Variants in IL16 observed in about 807,000 individuals in gnomAD.
The protein encoded by IL16 is pro-interleukin-16.
A neutral mutation model predicts 110.1 loss-of-function variants in IL16; 67 were observed. That is an observed-to-expected ratio of 0.61 (90% CI 0.50 to 0.75). IL16 has a LOEUF of 0.75. Among genes scored for constraint, IL16 ranks in the 30% least tolerant of loss-of-function variants. The probability of loss-of-function intolerance (pLI) is 0.00; values close to 1 mark genes in which losing one functional copy is unlikely to be tolerated. For missense variants in IL16, 1,545 were observed against 1,655.0 expected (o/e 0.93, Z 1.15); for synonymous variants, 689 against 662.9 (o/e 1.04, Z -0.61).
chr15:81,263,346 A>ATTTTTTTTGTTTT, intron 3 of IL16, among the ~76,000 whole-genome samples: 1 of 109,792 alleles, frequency 9.1e-6, no homozygotes. Context: ...TTCAAAAACT[A>ATTTTTTTTGTTTT]TTTTTTTTTG....
intron 2 of IL16, among the ~76,000 whole-genome samples, chr15:81,235,527 C>G (rs1041756050): frequency 1.3e-5 from 2 of 152,154 alleles, no homozygotes; most frequent in Non-Finnish European, 2.9e-5. Context: ...CTAGGCCCCC[C>G]CTCCAACACT....
intron 1 of IL16, chr15:81,188,293 G>C: frequency 2.2e-6 from 1 of 456,088 alleles, no homozygotes; most frequent in Admixed American, 2.3e-5. Flanking sequence ...GAGAGGGGGA[G>C]GGTATAGACA....
chr15:81,187,954 C>T (rs1303442286), intron 1 of IL16, among the ~76,000 whole-genome samples: 1 of 152,116 alleles, frequency 6.6e-6, no homozygotes, highest in Non-Finnish European at 1.5e-5. Context: ...TGGGTTCTGA[C>T]AGTGAGGTTA....
At chr15:81,259,424 G>A (rs1020377778) in intron 2 of IL16, among the ~76,000 whole-genome samples, 13 of 152,084 alleles carry the variant, frequency 8.5e-5, no homozygotes, top group African/African-American at 3.1e-4. Flanking sequence ...TCACTAAAAT[G>A]CATTTTCTCC....
intron 4 of IL16, among the ~76,000 whole-genome samples, chr15:81,266,369 C>G (rs999486309): frequency 6.6e-6 from 1 of 152,178 alleles, no homozygotes; most frequent in African/African-American, 2.4e-5. Flanking sequence ...TAGTAGGACA[C>G]TGAGGCTTGG....
At chr15:81,204,206 C>T (rs1466222014) in intron 1 of IL16, among the ~76,000 whole-genome samples, 6 of 152,106 alleles carry the variant, frequency 3.9e-5, no homozygotes, top group Admixed American at 2.0e-4. Context: ...TGCCTATCAG[C>T]TTAAGGAGAT....
chr15:81,297,013 C>G lies in IL16; in HGVS notation c.1988C>G (p.Pro663Arg), dbSNP rs796985291. 1.2e-6 allele frequency: 2 copies of G among 1,613,960 alleles called. No individual in the cohort carries two copies. Among genetic ancestry groups the G allele is most frequent in the African/African-American group, 1.3e-5 (1 of 75,032 alleles). The part of the protein sequence containing the change: ...SPSASAGCPG[P>R]GIGPQTKSST... ...AGTGCCTCTGCCGGCTGCCCAGGAC[C>G]TGGTATCGGCCCACAGACCAAGTCC... Residue 663 changes from proline (P) to arginine (R), a missense_variant, in exon 13 of 19, where the codon CCT becomes CGT. Physicochemically the swap from Pro to Arg is moderately radical, Grantham distance 103. Coordinates refer to ENST00000683961, the MANE Select transcript of IL16 (RefSeq NM_172217.5).
chr15:81,232,572 T>C (rs1356430823), intron 2 of IL16, among the ~76,000 whole-genome samples: 1 of 152,208 alleles, frequency 6.6e-6, no homozygotes, highest in Non-Finnish European at 1.5e-5. Context: ...ACATAAATTG[T>C]TGAATTTTGT....
Position 81,300,293 on chromosome 15 carries a change from T to C in IL16, c.2967T>C (p.Ser989=). The C allele has an allele frequency of 6.2e-7, 1 of 1,614,192 alleles. No individual in the cohort carries two copies. Among genetic ancestry groups the C allele is most frequent in the Non-Finnish European group, 8.5e-7 (1 of 1,180,038 alleles). The change falls in exon 14 of 19, where the codon TCT becomes TCC. Residue 989 remains serine, a synonymous_variant. Transcript: ENST00000683961. ...ACGAAAAGACCAGCAAACTCTATTC[T>C]ATCAGCAGCCAAGTGTCATCGGCTG... ...LLDEKTSKLY[S]ISSQVSSAVM... is the part of the protein sequence containing the mutation.
intron 2 of IL16, among the ~76,000 whole-genome samples, chr15:81,227,074 CACT>C (rs969980573): frequency 7.2e-5 from 11 of 152,142 alleles, no homozygotes; most frequent in Admixed American, 3.3e-4. Flanking sequence ...GTGAAAAATA[CACT>C]ACAAGAGGGG....
intron 2 of IL16, among the ~76,000 whole-genome samples, chr15:81,229,157 G>A (rs1191378935): frequency 6.6e-6 from 1 of 152,178 alleles, no homozygotes; most frequent in Admixed American, 6.5e-5. Context: ...AGTTATAGTT[G>A]ACAATGCTCA....
intron 2 of IL16, among the ~76,000 whole-genome samples, chr15:81,243,179 T>A (rs1318129728): frequency 5.9e-5 from 4 of 68,008 alleles, no homozygotes; most frequent in African/African-American, 1.5e-4. Context: ...TTTTTTTTTT[T>A]TTTTTTTTTT....
At position 81,300,338 on chromosome 15, in the gene IL16, C is replaced by G. The variant is rs778191070; in HGVS notation, c.3012C>G (p.Cys1004Trp). ...CGGCTGTCATGAAATCCTTGCTGTG[C>G]CTTCCATCTTCTATCTCCTGTGCCC... ...VSSAVMKSLL[C>W]LPSSISCAQT... The change falls in exon 14 of 19, where the codon TGC (cysteine) becomes TGG (tryptophan). Residue 1004 changes from cysteine to tryptophan, a missense_variant. By Grantham distance (215) the Cys-to-Trp change is radical. Transcript: ENST00000683961. 3.7e-6 allele frequency: 6 copies of G among 1,614,154 alleles called. No individual in the cohort carries two copies. Among genetic ancestry groups the G allele is most frequent in the Non-Finnish European group, 5.1e-6 (6 of 1,180,020 alleles).
At chr15:81,288,161 C>T (rs749351944) in intron 10 of IL16, among the ~76,000 whole-genome samples, 9 of 152,112 alleles carry the variant, frequency 5.9e-5, no homozygotes, top group African/African-American at 1.9e-4. Context: ...AGCAGAAAGA[C>T]GAAGACACCC....
intron 2 of IL16, among the ~76,000 whole-genome samples, chr15:81,247,544 T>C (rs1897608661): frequency 6.6e-6 from 1 of 152,224 alleles, no homozygotes; most frequent in Non-Finnish European, 1.5e-5. Flanking sequence ...GTTGCAAAGA[T>C]AGTACAGAGA....
At position 81,308,828 on chromosome 15, in the gene IL16, C is replaced by T. The variant is rs1900706670; in HGVS notation, c.*30C>T. The T allele has an allele frequency of 1.9e-6, 3 of 1,576,602 alleles. No homozygotes were observed. Among genetic ancestry groups the T allele is most frequent in the Admixed American group, 3.5e-5 (2 of 57,572 alleles). ...GACATGCTGAAGCCAAAGCCAATAA[C>T]ACACAGCTAACACACAGCTCCCATA... On this transcript the variant is annotated 3_prime_UTR_variant, in exon 19 of 19. Transcript: ENST00000683961.
Position 81,306,045 on chromosome 15 carries a change from A to G in IL16, c.3558A>G (p.Arg1186=). The G allele has an allele frequency of 6.2e-7, 1 of 1,614,258 alleles. No individual in the cohort carries two copies. Among genetic ancestry groups the G allele is most frequent in the Non-Finnish European group, 8.5e-7 (1 of 1,180,046 alleles). ...HDALAILRQA[R]EPRQAVIVTR... is the part of the protein sequence containing the mutation. The stretch of plus-strand genomic sequence containing the variant: ...CCTTGGCCATCCTCCGCCAAGCTCG[A>G]GAGCCCAGGCAAGCTGTGATTGTCA... The change falls in exon 17 of 19, where the codon CGA becomes CGG. Residue 1186 remains arginine, a synonymous_variant. Transcript: ENST00000683961.
At chr15:81,269,383 C>G (rs555163945) in intron 4 of IL16, among the ~76,000 whole-genome samples, 155 bp from the exon 5 acceptor site, 1 of 152,296 alleles carries the variant, frequency 6.6e-6, no homozygotes, top group South Asian at 2.1e-4. Context: ...ATCCTACCCA[C>G]ACCCCACTAA....
chr15:81,207,276 GA>G (rs1436290393), intron 1 of IL16, among the ~76,000 whole-genome samples: 1 of 146,754 alleles, frequency 6.8e-6, no homozygotes, highest in Non-Finnish European at 1.5e-5. Flanking sequence ...AAAAAGAAAA[GA>G]AAAAAGAAAT....
Sources: gnomAD v4.1 joint callset for allele counts (sites outside exome capture counted in the v4.1 genomes callset) on GRCh38, gnomAD v4.1.1 for gene constraint, MANE v1.5 for transcripts, NCBI Gene and HGNC (gene_info 2026-07-23, HGNC 2026-07-21) for gene names.